MGAT4D: variants seen among roughly 807,000 people sequenced by gnomAD.
MGAT4D encodes MGAT4 family member D.
In MGAT4D, 34 loss-of-function variants were observed where a neutral mutation model predicts 15.9. The ratio of observed to expected loss-of-function variants is 2.14; its 90% CI spans 1.62 to 2.84. MGAT4D has a LOEUF of 2.84. Ranked by LOEUF, MGAT4D falls within the 30% of genes most tolerant of loss-of-function variation. MGAT4D has a pLI of 0.00. For synonymous variants in MGAT4D, 112 were observed against 48.2 expected (o/e 2.33, Z -5.49); for missense variants, 327 against 140.2 (o/e 2.33, Z -6.73).
intron 1 of MGAT4D, among the ~76,000 whole-genome samples, chr4:140,492,072 G>T (rs1451680422): frequency 6.6e-6 from 1 of 152,168 alleles, no homozygotes; most frequent in African/African-American, 2.4e-5. Context: ...AAGTAATGCA[G>T]TACTAGCTTG....
At chr4:140,450,720 G>A (rs1730419773) in intron 10 of MGAT4D, among the ~76,000 whole-genome samples, 1 of 152,176 alleles carries the variant, frequency 6.6e-6, no homozygotes, top group Non-Finnish European at 1.5e-5. Context: ...GACACTAAGG[G>A]TAGAGGTGTC....
At chr4:140,488,768 A>T (rs541775968) in intron 1 of MGAT4D, among the ~76,000 whole-genome samples, 3 of 152,172 alleles carry the variant, frequency 2.0e-5, no homozygotes, top group African/African-American at 7.2e-5. Context: ...CATTTGAGTC[A>T]TGGGGGAAGA....
At chr4:140,487,223 T>C (rs1733201586) in intron 1 of MGAT4D, among the ~76,000 whole-genome samples, 1 of 152,256 alleles carries the variant, frequency 6.6e-6, no homozygotes, top group African/African-American at 2.4e-5. Context: ...TGAAATGTTA[T>C]AACACTATTT....
chr4:140,465,289 A>G (rs1731459927), intron 5 of MGAT4D, among the ~76,000 whole-genome samples: 1 of 152,216 alleles, frequency 6.6e-6, no homozygotes, highest in Non-Finnish European at 1.5e-5. Flanking sequence ...GTACTCTGAC[A>G]TTTGAAACAA....
At chr4:140,463,432 T>A (rs114495027) in intron 6 of MGAT4D, among the ~76,000 whole-genome samples, 8,699 of 151,342 alleles carry the variant, frequency 0.057, 293 homozygotes, top group South Asian at 0.1. Context: ...CAGGGAGGGG[T>A]GAGGCATGAG....
chr4:140,470,475 T>C (rs1731852875), intron 5 of MGAT4D, among the ~76,000 whole-genome samples: 1 of 152,242 alleles, frequency 6.6e-6, no homozygotes, highest in Non-Finnish European at 1.5e-5. Context: ...AGATTCAGCC[T>C]GAAGGCCACA....
At chr4:140,488,481 T>C (rs1018641205) in intron 1 of MGAT4D, among the ~76,000 whole-genome samples, 1 of 152,212 alleles carries the variant, frequency 6.6e-6, no homozygotes, top group Non-Finnish European at 1.5e-5. Flanking sequence ...TAAAATGGAA[T>C]TATCCTCAAA....
chr4:140,495,591 C>T (rs757057250), intron 1 of MGAT4D, among the ~76,000 whole-genome samples: 2 of 152,092 alleles, frequency 1.3e-5, no homozygotes, highest in African/African-American at 2.4e-5. Context: ...CACAACAGAA[C>T]AGGTAAAAAC....
chr4:140,468,125 ATTATAT>A (rs1224641030), intron 5 of MGAT4D, among the ~76,000 whole-genome samples: 1 of 98,886 alleles, frequency 1.0e-5, no homozygotes, highest in Non-Finnish European at 2.1e-5. Context: ...AATATTCACT[ATTATAT>A]TATTCACATT....
At chr4:140,453,627 T>C (rs938960456) in intron 9 of MGAT4D, among the ~76,000 whole-genome samples, 1 of 152,032 alleles carries the variant, frequency 6.6e-6, no homozygotes, top group Non-Finnish European at 1.5e-5. Flanking sequence ...GAGAGGTGAT[T>C]GGATCATGGG....
At chr4:140,485,675 T>C (rs1733064622) in intron 1 of MGAT4D, among the ~76,000 whole-genome samples, 1 of 151,028 alleles carries the variant, frequency 6.6e-6, no homozygotes, top group Non-Finnish European at 1.5e-5. Flanking sequence ...ATGGATGTTA[T>C]GGCTCACACC....
At position 140,482,339 on chromosome 4, in the gene MGAT4D, A is replaced by G. The variant is rs937881171; in HGVS notation, c.241T>C (p.Ser81Pro). 6 of 626,360 alleles carry G rather than the reference A, an allele frequency of 9.6e-6. No homozygotes were observed. The highest frequency in any genetic ancestry group is 2.9e-5 in the East Asian group (1 of 34,126). 38.8% of individuals were successfully genotyped at this position (626,360 alleles called of 1,614,324 possible). The change falls in exon 2 of 11, where the codon TCA becomes CCA. Residue 81 changes from serine to proline, a missense_variant. Transcript: ENST00000511113. ...KYEITKREIL[S>P]GNLVAQKADI... ...AATCAACACAAACCTAAGTTTCCTGACAAAATTTCTCTCTTTGTAATTTCA... is the reference window on the plus strand; with the variant it reads ...AATCAACACAAACCTAAGTTTCCTGGCAAAATTTCTCTCTTTGTAATTTCA...
chr4:140,484,366 T>C (rs150268062), intron 1 of MGAT4D, among the ~76,000 whole-genome samples: 64 of 152,260 alleles, frequency 4.2e-4, no homozygotes, highest in African/African-American at 1.5e-3. Context: ...ATGGCTATTA[T>C]CAGAGACAAA....
At chr4:140,459,487 C>A (rs1045105054) in intron 8 of MGAT4D, 25 bp downstream of exon 8, 5 of 431,472 alleles carry the variant, frequency 1.2e-5, no homozygotes, top group Non-Finnish European at 2.1e-5. Context: ...AAAACTTGAT[C>A]CAACAAAGTA....
chr4:140,464,835 T>C, intron 6 of MGAT4D, 61 bp downstream of exon 6: 1 of 694,388 alleles, frequency 1.4e-6, no homozygotes, highest in Non-Finnish European at 2.6e-6. Context: ...TATGAGCTGA[T>C]TCCAAGATTT....
At chr4:140,490,302 CA>C (rs1733418494) in intron 1 of MGAT4D, among the ~76,000 whole-genome samples, 1 of 152,096 alleles carries the variant, frequency 6.6e-6, no homozygotes, top group African/African-American at 2.4e-5. Context: ...TAGCAGAGCC[CA>C]AAATTGCAAT....
chr4:140,474,783 T>A (rs1248171694), intron 4 of MGAT4D, 30 bp downstream of exon 4: 5 of 627,738 alleles, frequency 8.0e-6, no homozygotes, highest in Admixed American at 5.2e-5. Context: ...AGGGTGAGGA[T>A]AAGGAGAGCT....
chr4:140,496,456 C>T (rs187221197), intron 1 of MGAT4D, among the ~76,000 whole-genome samples: 1 of 152,252 alleles, frequency 6.6e-6, no homozygotes, highest in East Asian at 1.9e-4. Flanking sequence ...AGAAAACACA[C>T]CAAAATGATT....
Position 140,474,924 on chromosome 4 carries a change from G to A in MGAT4D, c.414C>T (p.Ser138=), listed in dbSNP as rs1732216873. The A allele has an allele frequency of 4.3e-6, 3 of 691,424 alleles. No individual in the cohort carries two copies. The highest frequency in any genetic ancestry group is 3.1e-5 in the South Asian group (2 of 65,194). The allele number at this position is 691,424 out of a possible 1,614,324, so 42.8% of individuals were successfully genotyped here. A position where few individuals can be genotyped will look rare whatever the true frequency, so the allele number is the denominator to read the frequency against. The change falls in exon 4 of 11, where the codon TCC becomes TCT. Residue 138 remains serine, a synonymous_variant. Coordinates refer to ENST00000511113, the MANE Select transcript of MGAT4D (RefSeq NM_001277353.2). ...AACTATAATTTCCTCTGTTAACAGT[G>A]GAAATACCCAGCGCAAAAGAAACTG... ...KTGVSFALGI[S]TVNRGNYSYL...
Sources: allele counts gnomAD v4.1 joint callset (sites outside exome capture counted in the v4.1 genomes callset), GRCh38; gene constraint gnomAD v4.1.1; transcripts MANE v1.5; gene names NCBI Gene and HGNC (gene_info 2026-07-23, HGNC 2026-07-21).